The following CDYL2 variants were observed in gnomAD, a reference collection of about 807,000 sequenced individuals.
The protein encoded by CDYL2 is chromodomain Y like 2.
CDYL2 carries 23 observed loss-of-function variants against 49.4 expected under a neutral mutation model. The observed-to-expected ratio is 0.47, with a 90% CI of 0.34 to 0.66. The LOEUF (loss-of-function observed/expected upper bound fraction) is 0.66. Among genes scored for constraint, CDYL2 ranks in the 30% least tolerant of loss-of-function variants. CDYL2 has a pLI of 0.01. For missense variants in CDYL2, 678 were observed against 656.4 expected, an observed-to-expected ratio of 1.03 and a Z score of -0.36; for synonymous variants, 360 against 268.8, an observed-to-expected ratio of 1.34 and a Z score of -3.32.
chr16:80,748,696 C>T (rs868022338), intron 1 of CDYL2, among the ~76,000 whole-genome samples: 10 of 151,620 alleles, frequency 6.6e-5, no homozygotes, highest in African/African-American at 2.4e-4. Context: ...TTACCAGCAC[C>T]CCTCACCCAC....
chr16:80,755,626 T>TGGGGGTACCTGAG (rs1906285373), intron 1 of CDYL2, among the ~76,000 whole-genome samples: 1 of 152,356 alleles, frequency 6.6e-6, no homozygotes, highest in East Asian at 1.9e-4. Flanking sequence ...CTCAGAAACT[T>TGGGGGTACCTGAG]ATCCTAAGTA....
intron 2 of CDYL2, among the ~76,000 whole-genome samples, chr16:80,673,937 C>G (rs2142455889): frequency 6.6e-6 from 1 of 152,226 alleles, no homozygotes; most frequent in African/African-American, 2.4e-5. Context: ...GATGAGGGAC[C>G]ACGAGCCGAG....
rs974613112 is a variant in CDYL2, at chr16:80,603,415, A to T, written c.*973T>A. 2 of 152,186 alleles carry T rather than the reference A, an allele frequency of 1.3e-5. No homozygotes were observed. Among genetic ancestry groups the T allele is most frequent in the Non-Finnish European group, 2.9e-5 (2 of 68,030 alleles). The allele number at this position is 152,186 out of a possible 1,614,324, so 9.4% of individuals were successfully genotyped here. A position where few individuals can be genotyped will look rare whatever the true frequency, so the allele number is the denominator to read the frequency against. On this transcript the variant is annotated 3_prime_UTR_variant, in exon 7 of 7. Coordinates refer to ENST00000570137, the MANE Select transcript of CDYL2 (RefSeq NM_152342.4). The stretch of plus-strand genomic sequence containing the variant: ...AGAGGGAAGAAAAAACTCTCCCAAG[A>T]TGTCTCCTAAGGACAAACCTAAGGA...
intron 1 of CDYL2, among the ~76,000 whole-genome samples, chr16:80,724,214 G>C (rs958008183): frequency 4.8e-5 from 7 of 145,642 alleles, no homozygotes; most frequent in African/African-American, 1.5e-4. Context: ...AAGAGGAGAA[G>C]AAAGAGGAAG....
intron 1 of CDYL2, among the ~76,000 whole-genome samples, chr16:80,776,195 T>G (rs1907076627): frequency 6.6e-6 from 1 of 152,114 alleles, no homozygotes; most frequent in Non-Finnish European, 1.5e-5. Context: ...TAATGAAACT[T>G]CTGCAGTTTC....
intron 1 of CDYL2, among the ~76,000 whole-genome samples, chr16:80,800,564 C>T (rs550217609): frequency 7.2e-5 from 11 of 151,848 alleles, no homozygotes; most frequent in African/African-American, 2.2e-4. Context: ...AACCACAAAC[C>T]GAAAAGATCC....
intron 2 of CDYL2, among the ~76,000 whole-genome samples, chr16:80,646,796 C>CAAACA (rs922579126): frequency 1.1e-3 from 160 of 150,748 alleles, no homozygotes; most frequent in Non-Finnish European, 1.7e-3. Context: ...TCAAAACAAA[C>CAAACA]AAACAAAACA....
At chr16:80,645,377 T>C (rs138122540) in intron 2 of CDYL2, among the ~76,000 whole-genome samples, 1 of 152,066 alleles carries the variant, frequency 6.6e-6, no homozygotes, top group Non-Finnish European at 1.5e-5. Context: ...AAAAGACATA[T>C]GAAAAAATGC....
chr16:80,785,891 G>A (rs1907420084), intron 1 of CDYL2, among the ~76,000 whole-genome samples: 1 of 152,142 alleles, frequency 6.6e-6, no homozygotes, highest in South Asian at 2.1e-4. Flanking sequence ...AAATGGTGTT[G>A]GGAAAATTGG....
intron 3 of CDYL2, among the ~76,000 whole-genome samples, chr16:80,623,657 C>T (rs569042649): frequency 6.6e-6 from 1 of 152,186 alleles, no homozygotes; most frequent in Non-Finnish European, 1.5e-5. Context: ...GATATGAACT[C>T]ACTTAGCCTT....
chr16:80,605,596 G>A (rs34619571), intron 6 of CDYL2, among the ~76,000 whole-genome samples: 183 of 150,766 alleles, frequency 1.2e-3, no homozygotes, highest in Non-Finnish European at 2.2e-3. Flanking sequence ...CATAGTAACA[G>A]TAATCATATT....
intron 1 of CDYL2, among the ~76,000 whole-genome samples, chr16:80,689,069 T>TATGAATGAATGAATGA (rs3077555): frequency 1.3e-5 from 2 of 152,018 alleles, no homozygotes; most frequent in African/African-American, 4.8e-5. Context: ...TATTTGCACA[T>TATGAATGAATGAATGA]ATGAATGAAT....
chr16:80,648,153 T>C (rs1024051420), intron 2 of CDYL2, among the ~76,000 whole-genome samples: 4 of 151,440 alleles, frequency 2.6e-5, no homozygotes, highest in African/African-American at 9.7e-5. Flanking sequence ...AAAAAAATAA[T>C]AAAGATCAGA....
At chr16:80,639,861 C>A in intron 2 of CDYL2, 2 of 375,666 alleles carry the variant, frequency 5.3e-6, no homozygotes, top group Non-Finnish European at 1.1e-5. Flanking sequence ...CCTGTTATAG[C>A]AGAAAGCAAA....
chr16:80,691,403 G>A (rs1421228934), intron 1 of CDYL2, among the ~76,000 whole-genome samples: 1 of 152,188 alleles, frequency 6.6e-6, no homozygotes, highest in Non-Finnish European at 1.5e-5. Context: ...TTCCCGTCCA[G>A]TGCAGCAAAA....
At chr16:80,757,538 C>CAAAAAAA (rs35826810) in intron 1 of CDYL2, among the ~76,000 whole-genome samples, 118 of 98,348 alleles carry the variant, frequency 1.2e-3, no homozygotes, top group Middle Eastern at 6.1e-3. Context: ...GACTCTGTCT[C>CAAAAAAA]AAAAAAAAAA....
chr16:80,737,671 G>C (rs1905584802), intron 1 of CDYL2, among the ~76,000 whole-genome samples: 1 of 152,152 alleles, frequency 6.6e-6, no homozygotes, highest in African/African-American at 2.4e-5. Context: ...ATCAGGATCA[G>C]GTGAAGGCTT....
At chr16:80,788,777 C>T (rs1373945107) in intron 1 of CDYL2, among the ~76,000 whole-genome samples, 1 of 152,024 alleles carries the variant, frequency 6.6e-6, no homozygotes, top group African/African-American at 2.4e-5. Context: ...TACATGATAC[C>T]ATACACGTGG....
intron 1 of CDYL2, among the ~76,000 whole-genome samples, chr16:80,725,444 G>A (rs114153376): frequency 1.3e-5 from 2 of 152,198 alleles, no homozygotes; most frequent in Admixed American, 6.5e-5. Context: ...CCATGTAGCT[G>A]GCTCTATATC....
Sources: allele counts gnomAD v4.1 joint callset (sites outside exome capture counted in the v4.1 genomes callset), GRCh38; gene constraint gnomAD v4.1.1; transcripts MANE v1.5; gene names NCBI Gene and HGNC (gene_info 2026-07-23, HGNC 2026-07-21).